Variants in ADAMDEC1 observed in about 807,000 individuals in gnomAD.
ADAMDEC1 encodes ADAM like decysin 1.
A neutral mutation model predicts 60.4 loss-of-function variants in ADAMDEC1; 62 were observed. The ratio of observed to expected loss-of-function variants is 1.03; its 90% CI spans 0.84 to 1.27. The LOEUF (loss-of-function observed/expected upper bound fraction) is 1.27, where lower values mean the gene tolerates loss of function less well. Among genes scored for constraint, ADAMDEC1 ranks in the 50% most tolerant of loss-of-function variants. ADAMDEC1 has a pLI of 0.00. For missense variants in ADAMDEC1, 595 were observed against 565.0 expected, an observed-to-expected ratio of 1.05 and a Z score of -0.54; for synonymous variants, 210 against 195.1, an observed-to-expected ratio of 1.08 and a Z score of -0.64.
intron 1 of ADAMDEC1, among the ~76,000 whole-genome samples, chr8:24,388,487 C>T (rs1038096032): frequency 3.9e-5 from 6 of 152,028 alleles, no homozygotes; most frequent in African/African-American, 1.4e-4. Flanking sequence ...TCTTTCTCTG[C>T]CTTCCTCTCT....
intron 4 of ADAMDEC1, among the ~76,000 whole-genome samples, chr8:24,395,277 T>A (rs541270829): frequency 6.6e-6 from 1 of 152,258 alleles, no homozygotes; most frequent in African/African-American, 2.4e-5. Flanking sequence ...TTATTTGTAA[T>A]GCACAGTGCC....
rs1393109238 is a variant in ADAMDEC1, at chr8:24,388,474, C to T, written c.89-3788C>T. ...CATCATATTCTCATGTTTTTCCTCT[C>T]TTTCTTTCTCTGCCTTCCTCTCTCT... On this transcript the variant is annotated intron_variant, in intron 1 of 13. Coordinates refer to ENST00000256412, the MANE Select transcript of ADAMDEC1 (RefSeq NM_014479.3). 2.0e-5 allele frequency among the ~76,000 whole-genome samples: 3 copies of T among 152,194 alleles called. No individual in the cohort carries two copies. The East Asian group carries it at 5.8e-4, about 29-fold the overall frequency.
intron 1 of ADAMDEC1, among the ~76,000 whole-genome samples, chr8:24,385,257 A>G (rs535332805): frequency 5.3e-5 from 8 of 152,292 alleles, no homozygotes; most frequent in South Asian, 2.1e-4. Context: ...GCTAAACCCT[A>G]TATTGAAACA....
chr8:24,405,506 T>TTTTTTTC lies in ADAMDEC1; in HGVS notation c.*222_*228dup. ...TAGGCCTAATCTTTCTTTTTACTTT[T>TTTTTTTC]TTTTTTCTTTTTTCTTTTTTTTTAA... On this transcript the variant is annotated 3_prime_UTR_variant, in exon 14 of 14. Coordinates refer to ENST00000256412, the MANE Select transcript of ADAMDEC1 (RefSeq NM_014479.3). The TTTTTTTC allele has an allele frequency of 2.0e-6, 1 of 491,768 alleles. No individual in the cohort carries two copies. 30.5% of individuals were successfully genotyped at this position (491,768 alleles called of 1,614,324 possible).
intron 11 of ADAMDEC1, among the ~76,000 whole-genome samples, chr8:24,401,028 A>G (rs577933108): frequency 2.6e-3 from 400 of 152,154 alleles, no homozygotes; most frequent in African/African-American, 9.0e-3. Flanking sequence ...TTCTTAATCC[A>G]GTCTATCATT....
intron 5 of ADAMDEC1, among the ~76,000 whole-genome samples, 198 bp from the exon 6 acceptor site, chr8:24,397,071 CT>C (rs1817632736): frequency 6.6e-6 from 1 of 152,186 alleles, no homozygotes. Flanking sequence ...TCAGAATTCT[CT>C]TGGTAAATAA....
rs150394918 is a variant in ADAMDEC1, at chr8:24,385,867, C to T, written c.88+1275C>T. On this transcript the variant is annotated intron_variant, in intron 1 of 13. Coordinates refer to ENST00000256412, the MANE Select transcript of ADAMDEC1 (RefSeq NM_014479.3). ...TTAATTGACCAACTGAACAACTGTGCCTGTGCTGTCGGATGAGAATTAATT... is the reference window on the plus strand; with the variant it reads ...TTAATTGACCAACTGAACAACTGTGTCTGTGCTGTCGGATGAGAATTAATT... 1.6e-3 allele frequency among the ~76,000 whole-genome samples: 238 copies of T among 152,122 alleles called. 4 individuals carry two copies. The highest frequency in any genetic ancestry group is 0.014 in the Admixed American group (218 of 15,268).
intron 12 of ADAMDEC1, among the ~76,000 whole-genome samples, chr8:24,402,444 A>G (rs993171120): frequency 6.6e-6 from 1 of 152,142 alleles, no homozygotes; most frequent in African/African-American, 2.4e-5. Context: ...AGTAAGTTCT[A>G]CTCAGAGGGA....
At position 24,386,113 on chromosome 8, in the gene ADAMDEC1, C is replaced by T. The variant is rs528036766; in HGVS notation, c.88+1521C>T. On this transcript the variant is annotated intron_variant, in intron 1 of 13. Coordinates refer to ENST00000256412, the MANE Select transcript of ADAMDEC1 (RefSeq NM_014479.3). ...TGAATTTGATGATAGTCTATGATGC[C>T]CATAGTGCCCAAGTAGCCCTACATT... Among the ~76,000 whole-genome samples, 7 of 152,164 alleles carry T rather than the reference C, an allele frequency of 4.6e-5. No homozygotes were observed. The South Asian group carries it at 1.5e-3, about 32-fold the overall frequency.
intron 2 of ADAMDEC1, 35 bp downstream of exon 2, chr8:24,392,415 A>G (rs753663086): frequency 2.0e-6 from 3 of 1,476,288 alleles, no homozygotes; most frequent in African/African-American, 1.4e-5. Context: ...AGATGTTACA[A>G]TCATCCAAAG....
chr8:24,398,259 A>G (rs1046878638), intron 7 of ADAMDEC1, among the ~76,000 whole-genome samples: 30 of 152,162 alleles, frequency 2.0e-4, no homozygotes, highest in African/African-American at 7.2e-4. Context: ...TAAAATGAAG[A>G]ACACTAAAAT....
intron 1 of ADAMDEC1, chr8:24,390,105 C>A (rs1250753208): frequency 2.0e-6 from 1 of 488,816 alleles, no homozygotes; most frequent in African/African-American, 2.0e-5. Context: ...AATGTCTATT[C>A]TATTATTTTA....
At chr8:24,396,316 C>T (rs1282929511) in intron 5 of ADAMDEC1, among the ~76,000 whole-genome samples, 2 of 152,128 alleles carry the variant, frequency 1.3e-5, no homozygotes, top group African/African-American at 2.4e-5. Context: ...TGAGACCATC[C>T]TGGCTAACAC....
intron 5 of ADAMDEC1, among the ~76,000 whole-genome samples, 155 bp from the exon 6 acceptor site, chr8:24,397,115 T>C (rs547231554): frequency 6.6e-6 from 1 of 152,358 alleles, no homozygotes; most frequent in Admixed American, 6.5e-5. Flanking sequence ...CAAATAGTGA[T>C]TCTAACTTAC....
rs1214987720 is a variant in ADAMDEC1, at chr8:24,395,796, G to C, written c.440G>C (p.Arg147Thr). The change falls in exon 5 of 14, where the codon AGA (arginine) becomes ACA (threonine). Residue 147 changes from arginine to threonine, a missense_variant and splice_region_variant. Physicochemically the swap from Arg to Thr is moderately conservative, Grantham distance 71. Transcript: ENST00000256412. The part of the protein sequence containing the change: ...VASISTCDGL[R>T]GYFTHHHQRY... ...AGCATCAGTACTTGTGACGGGTTGA[G>C]GTAAGAACTACCATCAAAATTACTC... 1 of 1,610,582 alleles carries C rather than the reference G, an allele frequency of 6.2e-7. No homozygotes were observed.
intron 2 of ADAMDEC1, among the ~76,000 whole-genome samples, chr8:24,392,676 ATGT>A (rs1320368404): frequency 1.6e-4 from 24 of 152,098 alleles, no homozygotes; most frequent in African/African-American, 5.8e-4. Flanking sequence ...TTTAACGGAG[ATGT>A]TGTTCCTGGC....
chr8:24,386,002 CAT>C (rs1817282107), intron 1 of ADAMDEC1, among the ~76,000 whole-genome samples: 1 of 151,948 alleles, frequency 6.6e-6, no homozygotes, highest in Non-Finnish European at 1.5e-5. Flanking sequence ...TCAAAATACT[CAT>C]AGATACATTT....
At position 24,400,362 on chromosome 8, in the gene ADAMDEC1, C is replaced by T. The variant is rs896298316; in HGVS notation, c.1142+62C>T. On this transcript the variant is annotated intron_variant, in intron 11 of 13. Transcript: ENST00000256412. ...TCCAAATCTTTTTTTTTTCTGAAGA[C>T]ACATATTATTCTCTATTGTTTAATT... The T allele has an allele frequency of 3.5e-5, 53 of 1,497,844 alleles. 1 individual carries two copies. In the East Asian group the frequency reaches 1.2e-3, roughly 34 times the overall value. 92.8% of individuals were successfully genotyped at this position (1,497,844 alleles called of 1,614,324 possible).
At chr8:24,395,686 A>T in intron 4 of ADAMDEC1, 34 bp from the exon 5 acceptor site, 1 of 1,463,914 alleles carries the variant, frequency 6.8e-7, no homozygotes, top group Non-Finnish European at 9.5e-7. Context: ...ACACACACAC[A>T]TTTCTGAAGC....
Sources: gnomAD v4.1 joint callset for allele counts (sites outside exome capture counted in the v4.1 genomes callset) on GRCh38, gnomAD v4.1.1 for gene constraint, MANE v1.5 for transcripts, NCBI Gene and HGNC (gene_info 2026-07-23, HGNC 2026-07-21) for gene names.